ASB14: variants seen among roughly 807,000 people sequenced by gnomAD.
The protein encoded by ASB14 is ankyrin repeat and SOCS box protein 14.
In ASB14, 63 loss-of-function variants were observed where a neutral mutation model predicts 55.6. The ratio of observed to expected loss-of-function variants is 1.13; its 90% confidence interval spans 0.92 to 1.40. ASB14 has a LOEUF of 1.40. ASB14 is among the 40% of genes most tolerant of loss of function. The pLI is 0.00. For missense variants in ASB14, 724 were observed against 710.4 expected, an observed-to-expected ratio of 1.02 and a Z score of -0.22; for synonymous variants, 256 against 259.9, an observed-to-expected ratio of 0.98 and a Z score of 0.15.
At chr3:57,274,214 A>T (rs1314012352) in intron 10 of ASB14, among the ~76,000 whole-genome samples, 1 of 152,246 alleles carries the variant, frequency 6.6e-6, no homozygotes, top group Non-Finnish European at 1.5e-5. Context: ...TAATTCTTTT[A>T]AAAAGTACCA....
chr3:57,273,660 G>T (rs1159346647), intron 10 of ASB14, among the ~76,000 whole-genome samples: 1 of 152,020 alleles, frequency 6.6e-6, no homozygotes, highest in Non-Finnish European at 1.5e-5. Flanking sequence ...TCGATCACTG[G>T]TGACTGTTTT....
chr3:57,283,455 T>C lies in ASB14; in HGVS notation c.470-16A>G, dbSNP rs888116843. ...CGCAGCACAGCTGGGAAATGAGAAGTGTGGTGGGCATGTTCAACGGGAAGT... is the reference window on the plus strand; with the variant it reads ...CGCAGCACAGCTGGGAAATGAGAAGCGTGGTGGGCATGTTCAACGGGAAGT... On this transcript the variant is annotated splice_polypyrimidine_tract_variant and intron_variant, in intron 5 of 10. Coordinates refer to ENST00000487349, the MANE Select transcript of ASB14 (RefSeq NM_001142733.3). The C allele has an allele frequency of 7.1e-6, 11 of 1,548,394 alleles. No individual in the cohort carries two copies. Among genetic ancestry groups the C allele is most frequent in the Non-Finnish European group, 8.7e-6 (10 of 1,145,164 alleles).
rs371205710 is a variant in ASB14, at chr3:57,283,373, C to T, written c.536G>A (p.Arg179His). ...LINYGADVNLRCANERTALHE... is the reference protein window; with the variant it reads ...LINYGADVNLHCANERTALHE... ...GAGAGCTGTCCTCTCGTTGGCACAA[C>T]GCAGATTGACATCTGCTCCATAGTT... The change falls in exon 6 of 11, where the codon CGT (arginine) becomes CAT (histidine). Residue 179 changes from arginine (R) to histidine (H), a missense_variant. Coordinates refer to ENST00000487349, the MANE Select transcript of ASB14 (RefSeq NM_001142733.3). The T allele has an allele frequency of 1.1e-5, 17 of 1,551,404 alleles. No individual in the cohort carries two copies. The highest frequency in any genetic ancestry group is 6.8e-5 in the African/African-American group (5 of 73,030).
intron 6 of ASB14, among the ~76,000 whole-genome samples, chr3:57,282,439 A>G (rs534173839): frequency 1.1e-4 from 16 of 152,316 alleles, no homozygotes; most frequent in South Asian, 4.1e-4. Context: ...AGTGTCATCA[A>G]TGAGCTCTCC....
chr3:57,271,359 AAGT>A (rs1240323021), intron 10 of ASB14: 1 of 152,628 alleles, frequency 6.6e-6, no homozygotes, highest in East Asian at 1.9e-4. Context: ...TACAGTAAAA[AAGT>A]AGAAATTTAT....
At chr3:57,284,427 C>T (rs1419464805) in intron 5 of ASB14, among the ~76,000 whole-genome samples, 2 of 152,184 alleles carry the variant, frequency 1.3e-5, no homozygotes, top group African/African-American at 4.8e-5. Context: ...CTAATCTCAG[C>T]CAGCACTATA....
chr3:57,276,559 T>G lies in ASB14; in HGVS notation c.1755A>C (p.Gly585=), dbSNP rs752487875. 2 of 1,607,270 alleles carry G rather than the reference T, an allele frequency of 1.2e-6. No homozygotes were observed. ...CATTAGAATGGTTTGATTACCAGGT[T>G]CCTGTAAAAATTCCTTGTCCATAAA... The part of the protein sequence containing the change: ...YDLYGQGIFT[G]TW Residue 585 remains glycine, a synonymous_variant, in exon 10 of 11, where the codon GGA becomes GGC. Transcript: ENST00000487349.
chr3:57,291,385 C>A (rs1218238185), intron 2 of ASB14, among the ~76,000 whole-genome samples: 2 of 152,208 alleles, frequency 1.3e-5, no homozygotes, highest in East Asian at 3.9e-4. Flanking sequence ...CAGGACGATT[C>A]TTCTTACACC....
chr3:57,271,866 A>C (rs1421491829), intron 10 of ASB14: 1 of 152,226 alleles, frequency 6.6e-6, no homozygotes, highest in Non-Finnish European at 1.5e-5. Flanking sequence ...TGGGTTTAAC[A>C]ATTTTAGATG....
At chr3:57,288,120 C>T in intron 4 of ASB14, 35 bp downstream of exon 4, 1 of 1,536,126 alleles carries the variant, frequency 6.5e-7, no homozygotes, top group Non-Finnish European at 8.7e-7. Flanking sequence ...AAATTTATCT[C>T]TCAGAAGCAT....
chr3:57,271,585 G>A (rs2060940445), intron 10 of ASB14: 1 of 152,170 alleles, frequency 6.6e-6, no homozygotes. Flanking sequence ...ACCTCACTTA[G>A]TTCAGATGAA....
chr3:57,291,222 A>G (rs563256939), intron 2 of ASB14, among the ~76,000 whole-genome samples: 1 of 151,528 alleles, frequency 6.6e-6, no homozygotes, highest in Non-Finnish European at 1.5e-5. Context: ...TCTTGGGGTT[A>G]AAAGACATTT....
chr3:57,269,856 C>T, intron 10 of ASB14: 1 of 754,220 alleles, frequency 1.3e-6, no homozygotes, highest in South Asian at 2.3e-5. Flanking sequence ...CTTAGGTTTG[C>T]ATTGATCTTT....
chr3:57,269,109 T>A lies in ASB14; in HGVS notation c.*532A>T, dbSNP rs139290425. The stretch of plus-strand genomic sequence containing the variant: ...GAAGAGGGAAGTGGCAAAGATGACA[T>A]TGAAGTGAGGCTTTCTTGATAGGCG... On this transcript the variant is annotated 3_prime_UTR_variant, in exon 11 of 11. Transcript: ENST00000487349. 1 of 158,966 alleles carries A rather than the reference T, an allele frequency of 6.3e-6. No homozygotes were observed. Among genetic ancestry groups the A allele is most frequent in the African/African-American group, 2.4e-5 (1 of 41,454 alleles). The allele number at this position is 158,966 out of a possible 1,614,324, so 9.8% of individuals were successfully genotyped here. A position where few individuals can be genotyped will look rare whatever the true frequency, so the allele number is the denominator to read the frequency against.
At chr3:57,282,528 C>T (rs1196195542) in intron 6 of ASB14, among the ~76,000 whole-genome samples, 1 of 152,142 alleles carries the variant, frequency 6.6e-6, no homozygotes, top group Non-Finnish European at 1.5e-5. Flanking sequence ...CCCACAGCTA[C>T]AGAGCTGGGG....
chr3:57,270,329 A>C (rs919326157), intron 10 of ASB14: 1 of 152,658 alleles, frequency 6.6e-6, no homozygotes, highest in African/African-American at 2.4e-5. Flanking sequence ...AAAGAAGCTT[A>C]AGTGTCTTCA....
chr3:57,287,701 C>T (rs982189883), intron 5 of ASB14, among the ~76,000 whole-genome samples, 200 bp downstream of exon 5: 1 of 152,152 alleles, frequency 6.6e-6, no homozygotes, highest in Non-Finnish European at 1.5e-5. Context: ...ATGAGCTGCT[C>T]TTAACTGGGC....
At position 57,292,633 on chromosome 3, in the gene ASB14, C is replaced by G. The variant is rs2061143753; in HGVS notation, c.-72G>C. ...TGGTCACATTTCAAAGACTTTTTAC[C>G]TTTTGTTTTATCCTCTAGGACAGCA... On this transcript the variant is annotated splice_region_variant and 5_prime_UTR_variant, in exon 1 of 11. Coordinates refer to ENST00000487349, the MANE Select transcript of ASB14 (RefSeq NM_001142733.3). 1 of 152,402 alleles carries G rather than the reference C, an allele frequency of 6.6e-6. No homozygotes were observed. Among genetic ancestry groups the G allele is most frequent in the African/African-American group, 2.4e-5 (1 of 41,384 alleles). The allele number at this position is 152,402 out of a possible 1,614,324, so 9.4% of individuals were successfully genotyped here. A position where few individuals can be genotyped will look rare whatever the true frequency, so the allele number is the denominator to read the frequency against.
At chr3:57,291,854 A>G in intron 2 of ASB14, 58 bp downstream of exon 2, 1 of 1,407,446 alleles carries the variant, frequency 7.1e-7, no homozygotes, top group Non-Finnish European at 9.5e-7. Context: ...AGCTAATGAC[A>G]AGTGTCAGCT....
Sources: allele counts gnomAD v4.1 joint callset (sites outside exome capture counted in the v4.1 genomes callset), GRCh38; gene constraint gnomAD v4.1.1; transcripts MANE v1.5; gene names NCBI Gene and HGNC (gene_info 2026-07-23, HGNC 2026-07-21).